The following THBS4 variants were observed in gnomAD, a reference collection of about 807,000 sequenced individuals.
THBS4 encodes thrombospondin 4, also known as thrombospondin-4.
A neutral mutation model predicts 115.7 loss-of-function variants in THBS4; 90 were observed. The observed-to-expected ratio is 0.78, with a 90% CI of 0.66 to 0.93. The LOEUF is 0.93. THBS4 is among the 40% of genes least tolerant of loss of function. The pLI is 0.00. For missense variants in THBS4, 1,087 were observed against 1,232.7 expected (o/e 0.88, Z 1.77); for synonymous variants, 460 against 479.3 (o/e 0.96, Z 0.53).
intron 9 of THBS4, 81 bp from the exon 10 acceptor site, chr5:80,067,892 A>G: frequency 6.6e-7 from 1 of 1,512,740 alleles, no homozygotes; most frequent in Non-Finnish European, 8.9e-7. Flanking sequence ...CTGTGAAAAT[A>G]TACACAATAA....
intron 1 of THBS4, among the ~76,000 whole-genome samples, chr5:79,997,215 T>C (rs144464065): frequency 9.2e-4 from 140 of 152,106 alleles, no homozygotes; most frequent in African/African-American, 3.3e-3. Context: ...AAAGTTGATC[T>C]CAATACACCA....
At position 80,080,579 on chromosome 5, in the gene THBS4, C is replaced by CTTTTTTTTTTTTTTTTTTTTTTTTTTTTT. The variant is rs67048630; in HGVS notation, c.2684+527_2684+528insTTTTTTTTTTTTTTTTTTTTTTTTTTTTT. Among the ~76,000 whole-genome samples the CTTTTTTTTTTTTTTTTTTTTTTTTTTTTT allele has an allele frequency of 4.8e-4, 24 of 50,498 alleles. 4 individuals carry two copies. In the Middle Eastern group the frequency reaches 0.068, roughly 143 times the overall value. The allele number at this position is 50,498 out of a possible 152,430, so 33.1% of individuals were successfully genotyped here. On this transcript the variant is annotated intron_variant, in intron 20 of 21. Transcript: ENST00000350881. The stretch of plus-strand genomic sequence containing the variant: ...AACTGCATGAGAGCAGCGCTTGTAT[C>CTTTTTTTTTTTTTTTTTTTTTTTTTTTTT]TTTTTTTTTTTTTTTTTTTTTTTTT...
intron 2 of THBS4, among the ~76,000 whole-genome samples, chr5:80,000,096 G>A (rs966508802): frequency 1.3e-5 from 2 of 152,112 alleles, no homozygotes; most frequent in Non-Finnish European, 2.9e-5. Context: ...TTAACTTCTT[G>A]ATAAAATGTC....
At chr5:80,008,631 A>G (rs1350621332) in intron 2 of THBS4, among the ~76,000 whole-genome samples, 2 of 152,184 alleles carry the variant, frequency 1.3e-5, no homozygotes, top group African/African-American at 2.4e-5. Context: ...ACAATTTCAA[A>G]TCTCACAGAG....
intron 2 of THBS4, among the ~76,000 whole-genome samples, chr5:80,022,856 C>T (rs774347932): frequency 6.6e-6 from 1 of 152,150 alleles, no homozygotes; most frequent in Non-Finnish European, 1.5e-5. Context: ...GTTTCTAAAG[C>T]CAATGTCATT....
At chr5:80,030,318 G>C (rs1299109343) in intron 2 of THBS4, among the ~76,000 whole-genome samples, 1 of 151,962 alleles carries the variant, frequency 6.6e-6, no homozygotes, top group Admixed American at 6.6e-5. Flanking sequence ...TGTCACCCCA[G>C]CCTCCCAAGT....
At chr5:80,047,257 T>G (rs1387120360) in intron 2 of THBS4, among the ~76,000 whole-genome samples, 4 of 152,228 alleles carry the variant, frequency 2.6e-5, no homozygotes, top group Non-Finnish European at 5.9e-5. Flanking sequence ...GTACTCTTAA[T>G]TGTCCAGGCC....
intron 1 of THBS4, chr5:80,036,151 G>C (rs1832712403): frequency 1.0e-6 from 1 of 985,370 alleles, no homozygotes; most frequent in Non-Finnish European, 1.2e-6. Flanking sequence ...TTATTTCAAG[G>C]ATTGGCTTGA....
intron 13 of THBS4, among the ~76,000 whole-genome samples, chr5:80,071,418 T>A (rs1484779882): frequency 6.6e-6 from 1 of 152,136 alleles, no homozygotes; most frequent in Non-Finnish European, 1.5e-5. Flanking sequence ...CCAGAAACTT[T>A]GTATGACCCC....
chr5:80,017,330 A>G (rs1832271623), intron 2 of THBS4, among the ~76,000 whole-genome samples: 1 of 152,204 alleles, frequency 6.6e-6, no homozygotes, highest in South Asian at 2.1e-4. Flanking sequence ...ATACCACAAT[A>G]CAATCTAACA....
intron 2 of THBS4, among the ~76,000 whole-genome samples, chr5:80,012,854 AGT>A (rs2151155200): frequency 6.6e-6 from 1 of 152,322 alleles, no homozygotes; most frequent in South Asian, 2.1e-4. Flanking sequence ...TTCAGATTAA[AGT>A]GTGTTTGAAA....
rs13171081 is a variant in THBS4, at chr5:80,047,635, T to A, written c.292+7355T>A. On this transcript the variant is annotated intron_variant, in intron 2 of 21. Coordinates refer to ENST00000350881, the MANE Select transcript of THBS4 (RefSeq NM_003248.6). ...CCAGTCTGGGTAAAAAATTAAGAATTTTTTTTTTTTTTTTTTGAGACAGAG... is the reference window on the plus strand; with the variant it reads ...CCAGTCTGGGTAAAAAATTAAGAATATTTTTTTTTTTTTTTTGAGACAGAG... 5.4e-3 allele frequency among the ~76,000 whole-genome samples: 393 copies of A among 72,688 alleles called. 4 individuals are homozygous for A. Among genetic ancestry groups the A allele is most frequent in the Admixed American group, 0.022 (186 of 8,404 alleles). 47.7% of individuals were successfully genotyped at this position (72,688 alleles called of 152,430 possible).
At chr5:80,030,659 G>A (rs1051550739), upstream of THBS4, among the ~76,000 whole-genome samples, 2 of 152,062 alleles carry the variant, frequency 1.3e-5, no homozygotes, top group Non-Finnish European at 2.9e-5. Flanking sequence ...GAGCTACTGC[G>A]CCTGGCCTGA....
intron 9 of THBS4, 91 bp from the exon 10 acceptor site, chr5:80,067,882 C>T: frequency 2.1e-6 from 3 of 1,450,334 alleles, no homozygotes; most frequent in Non-Finnish European, 2.8e-6. Context: ...CAATGAGTAC[C>T]TGTGAAAATA....
intron 2 of THBS4, among the ~76,000 whole-genome samples, chr5:80,050,230 A>C (rs1270629243): frequency 6.6e-6 from 1 of 152,176 alleles, no homozygotes; most frequent in East Asian, 1.9e-4. Flanking sequence ...CAATGGAGAA[A>C]GGGTAATTCA....
At chr5:80,015,364 T>G (rs950395533) in intron 2 of THBS4, among the ~76,000 whole-genome samples, 6 of 152,080 alleles carry the variant, frequency 3.9e-5, no homozygotes, top group African/African-American at 1.4e-4. Context: ...CTTGTGGGGC[T>G]TGCAAGGCCT....
At chr5:80,077,272 G>A (rs926451122) in intron 16 of THBS4, among the ~76,000 whole-genome samples, 1 of 152,166 alleles carries the variant, frequency 6.6e-6, no homozygotes, top group African/African-American at 2.4e-5. Context: ...GCATCTTCCT[G>A]AACAACCCTA....
rs989271192 is a variant in THBS4 at position 80,035,706 on chromosome 5, C to T, written c.88+81C>T. The T allele has an allele frequency of 2.9e-5, 29 of 987,520 alleles. No individual in the cohort carries two copies. The African/African-American group carries it at 3.7e-4, about 13-fold the overall frequency. The allele number at this position is 987,520 out of a possible 1,614,324, so 61.2% of individuals were successfully genotyped here. A position where few individuals can be genotyped will look rare whatever the true frequency, so the allele number is the denominator to read the frequency against. On this transcript the variant is annotated intron_variant, in intron 1 of 21. Coordinates refer to ENST00000350881, the MANE Select transcript of THBS4 (RefSeq NM_003248.6). This position sits in a 1 kb window ranked among gnomAD's most constrained non-coding sequence, Gnocchi z 4.6. ...GAGTGAGTGGAGGGACTTGCTCGGC[C>T]CTGTGCTCCTGTGGCCTTGCTCAGC...
chr5:80,080,962 C>G (rs1296978000), intron 20 of THBS4, among the ~76,000 whole-genome samples: 1 of 152,154 alleles, frequency 6.6e-6, no homozygotes, highest in Non-Finnish European at 1.5e-5. Context: ...ATGAACTGAT[C>G]ATCATGTAGG....
Sources: gnomAD v4.1 joint callset for allele counts (sites outside exome capture counted in the v4.1 genomes callset) on GRCh38, gnomAD v4.1.1 for gene constraint, Gnocchi (gnomAD v3.1) non-coding constraint, MANE v1.5 for transcripts, NCBI Gene and HGNC (gene_info 2026-07-23, HGNC 2026-07-21) for gene names.